Variants in MED25 observed in about 807,000 individuals in gnomAD.
The protein encoded by MED25 is mediator complex subunit 25.
MED25 carries 62 observed loss-of-function variants against 89.4 expected under a neutral mutation model. That is an observed-to-expected ratio of 0.69 (90% CI 0.57 to 0.86). The LOEUF is 0.86. Among genes scored for constraint, MED25 ranks in the 40% least tolerant of loss-of-function variants. MED25 has a pLI of 0.00. For missense variants in MED25, 905 were observed against 1,005.2 expected, an observed-to-expected ratio of 0.90 and a Z score of 1.35; for synonymous variants, 449 against 427.9, an observed-to-expected ratio of 1.05 and a Z score of -0.61.
Position 49,830,203 on chromosome 19 carries a change from C to A in MED25, c.804C>A (p.Val268=), listed in dbSNP as rs751198441. The A allele has an allele frequency of 6.2e-7, 1 of 1,605,022 alleles. No homozygotes were observed. Among genetic ancestry groups the A allele is most frequent in the Non-Finnish European group, 8.5e-7 (1 of 1,174,424 alleles). The stretch of plus-strand genomic sequence containing the variant: ...CCCCCCAGCAGCCTCTGCCCCCCGT[C>A]CCCCCGCAGTACCAGGTATGGATAT... ...SAAPQQPLPP[V]PPQYQVPGNL... is the part of the protein sequence containing the mutation. Residue 268 remains valine (V), a synonymous_variant, in exon 7 of 18, where the codon GTC becomes GTA. Transcript: ENST00000312865. This position sits in a 1 kb window ranked among gnomAD's most constrained non-coding sequence, Gnocchi z 4.6.
chr19:49,822,682 C>G (rs1436020238), intron 3 of MED25, among the ~76,000 whole-genome samples: 1 of 118,382 alleles, frequency 8.4e-6, no homozygotes, highest in East Asian at 2.9e-4. Flanking sequence ...GAGTCTCGCT[C>G]TGTTGTCCAG....
At chr19:49,832,816 A>G (rs908296280) in intron 13 of MED25, 4 of 330,828 alleles carry the variant, frequency 1.2e-5, no homozygotes, top group African/African-American at 8.6e-5. Flanking sequence ...CAGCAGGGCC[A>G]CGCTCTCTCT....
In MED25 at chr19:49,828,970, TG is replaced by T; in HGVS notation, c.407del (p.Gly136AlafsTer78). ...DDFKKMREQI[G>X]QTHRVCLLIC... Reference sequence around the variant, plus strand: ...CCATGTCTTCTCTCTTTCCTGGTAGTGGCCAGACGCACCGGGTCTGCCTCCT... The same window carrying T: ...CCATGTCTTCTCTCTTTCCTGGTAGTGCCAGACGCACCGGGTCTGCCTCCT... On this transcript the variant is annotated frameshift_variant and splice_region_variant, in exon 5 of 18. Coordinates refer to ENST00000312865, the MANE Select transcript of MED25 (RefSeq NM_030973.4). LOFTEE classifies it high-confidence loss of function. The T allele has an allele frequency of 1.2e-6, 2 of 1,614,070 alleles. No homozygotes were observed. The highest frequency in any genetic ancestry group is 1.7e-6 in the Non-Finnish European group (2 of 1,179,986).
chr19:49,828,500 C>T lies in MED25; in HGVS notation c.357C>T (p.Ser119=), dbSNP rs1008444770. The T allele has an allele frequency of 3.7e-6, 6 of 1,614,142 alleles. No homozygotes were observed. The highest frequency in any genetic ancestry group is 1.7e-5 in the Admixed American group (1 of 60,032). ...ESCSLIAEGL[S]TALQLFDDFK... ...GCAGCCTCATCGCGGAAGGACTCAG[C>T]ACAGCCTTGCAGCTGTTTGATGACT... The change falls in exon 4 of 18, where the codon AGC becomes AGT. Residue 119 remains serine, a synonymous_variant. Transcript: ENST00000312865.
In MED25 at chr19:49,835,586, C is replaced by T. The variant is rs193291405; in HGVS notation, c.1727C>T (p.Ala576Val). Residue 576 changes from alanine (A) to valine (V), a missense_variant, in exon 15 of 18, where the codon GCC (alanine) becomes GTC (valine). Physicochemically the swap from Ala to Val is moderately conservative, Grantham distance 64. Transcript: ENST00000312865. The surrounding 1 kb of genome is among the most constrained non-coding windows in gnomAD (Gnocchi z 6.2). ...PGLGPILEDQARPSQNLLQLR... is the reference protein window; with the variant it reads ...PGLGPILEDQVRPSQNLLQLR... ...CTGGGGCCCATTCTGGAGGACCAAG[C>T]CAGGCCCTCACAGAATCTGGTGAGG... is the stretch of plus-strand genomic sequence containing the variant. 1.3e-6 allele frequency: 2 copies of T among 1,565,186 alleles called. No homozygotes were observed. The highest frequency in any genetic ancestry group is 1.7e-6 in the Non-Finnish European group (2 of 1,155,316).
Position 49,835,545 on chromosome 19 carries a change from G to C in MED25, c.1686G>C (p.Gln562His). ...CTCTCCCCGTGCAGATGGGGGGACA[G>C]CAGGCACCCCCAGGGCTGGGGCCCA... ...LEQQQRGMGG[Q>H]QAPPGLGPIL... is the part of the protein sequence containing the mutation. The change falls in exon 15 of 18, where the codon CAG becomes CAC. Residue 562 changes from glutamine (Q) to histidine (H), a missense_variant. Physicochemically the swap from Gln to His is conservative, Grantham distance 24 (BLOSUM62 0). Coordinates refer to ENST00000312865, the MANE Select transcript of MED25 (RefSeq NM_030973.4). This position sits in a 1 kb window ranked among gnomAD's most constrained non-coding sequence, Gnocchi z 6.2. 1 of 1,561,960 alleles carries C rather than the reference G, an allele frequency of 6.4e-7. No homozygotes were observed. Among genetic ancestry groups the C allele is most frequent in the Non-Finnish European group, 8.7e-7 (1 of 1,153,640 alleles).
At position 49,819,893 on chromosome 19, in the gene MED25, G is replaced by A. The variant is rs528506216; in HGVS notation, c.305+597G>A. 4.9e-5 allele frequency: 8 copies of A among 163,308 alleles called. No individual in the cohort carries two copies. The South Asian group carries it at 7.3e-4, about 15-fold the overall frequency. 10.1% of individuals were successfully genotyped at this position (163,308 alleles called of 1,614,324 possible). A position where few individuals can be genotyped will look rare whatever the true frequency, so the allele number is the denominator to read the frequency against. ...AGGCTTGTAGTGCAGTGGCACAGTC[G>A]TGGCTCACTGCAACCTGTACCTCCT... On this transcript the variant is annotated intron_variant, in intron 3 of 17. Coordinates refer to ENST00000312865, the MANE Select transcript of MED25 (RefSeq NM_030973.4).
In MED25 at chr19:49,830,585, G is replaced by T. The variant is rs1227002507; in HGVS notation, c.894G>T (p.Gly298=). ...AGGCTGCCAAGAACCAGAAGGCTGG[G>T]CTGGGCCCTCGCTGTGAGTCCTGGA... ...AVEAAKNQKA[G]LGPRFSPITP... is the part of the protein sequence containing the mutation. Residue 298 remains glycine (G), a synonymous_variant, in exon 8 of 18, where the codon GGG becomes GGT. Coordinates refer to ENST00000312865, the MANE Select transcript of MED25 (RefSeq NM_030973.4). This position sits in a 1 kb window ranked among gnomAD's most constrained non-coding sequence, Gnocchi z 4.6. 6.2e-7 allele frequency: 1 copy of T among 1,614,168 alleles called. No homozygotes were observed. Among genetic ancestry groups the T allele is most frequent in the South Asian group, 1.1e-5 (1 of 91,092 alleles).
intron 3 of MED25, among the ~76,000 whole-genome samples, chr19:49,822,817 T>A (rs1777961834): frequency 6.6e-6 from 1 of 151,560 alleles, no homozygotes; most frequent in South Asian, 2.1e-4. Flanking sequence ...CCAGCTAATT[T>A]TTTGTATTTT....
rs958101048 is a variant in MED25, at chr19:49,836,485, C to T, written c.2146+79C>T. ...TGGGCTAGAGCACCAAGACCGAGTG[C>T]TCCTGGGAAGTAAAGACATAGGATC... is the stretch of plus-strand genomic sequence containing the variant. On this transcript the variant is annotated intron_variant, in intron 17 of 17. Transcript: ENST00000312865. The surrounding 1 kb of genome is among the most constrained non-coding windows in gnomAD (Gnocchi z 5.1). 2.0e-6 allele frequency: 3 copies of T among 1,491,274 alleles called. No individual in the cohort carries two copies. The highest frequency in any genetic ancestry group is 2.7e-6 in the Non-Finnish European group (3 of 1,093,174). The allele number at this position is 1,491,274 out of a possible 1,614,324, so 92.4% of individuals were successfully genotyped here. A position where few individuals can be genotyped will look rare whatever the true frequency, so the allele number is the denominator to read the frequency against.
At chr19:49,821,099 T>C (rs1197024907) in intron 3 of MED25, among the ~76,000 whole-genome samples, 4 of 152,182 alleles carry the variant, frequency 2.6e-5, no homozygotes, top group Admixed American at 6.5e-5. Context: ...AAGGCAATAG[T>C]CAGGAGGTCG....
At chr19:49,824,452 G>A (rs561590029) in intron 3 of MED25, among the ~76,000 whole-genome samples, 1 of 152,282 alleles carries the variant, frequency 6.6e-6, no homozygotes, top group South Asian at 2.1e-4. Flanking sequence ...AGGCATGGTG[G>A]TGCACACCTG....
At chr19:49,822,155 C>T (rs1448013414) in intron 3 of MED25, among the ~76,000 whole-genome samples, 2 of 145,768 alleles carry the variant, frequency 1.4e-5, no homozygotes, top group East Asian at 2.1e-4. Context: ...CCCAGCTACT[C>T]GGGAGGCTGA....
chr19:49,825,015 A>C (rs1378083019), intron 3 of MED25, among the ~76,000 whole-genome samples: 11 of 152,196 alleles, frequency 7.2e-5, no homozygotes, highest in African/African-American at 2.7e-4. Flanking sequence ...TGTGTCTGCC[A>C]TATCAAGGGG....
rs1423959250 is a variant in MED25, at chr19:49,835,684, A to G, written c.1747-43A>G. ...GCTCTGTGCCTGCAGAAGGGGCGTG[A>G]GGCCCTGCCCATCTCCCTCACCCCT... On this transcript the variant is annotated intron_variant, in intron 15 of 17. Transcript: ENST00000312865. The surrounding 1 kb of genome is among the most constrained non-coding windows in gnomAD (Gnocchi z 6.2). 5.1e-5 allele frequency: 81 copies of G among 1,592,182 alleles called. No individual in the cohort carries two copies. The highest frequency in any genetic ancestry group is 6.8e-5 in the Non-Finnish European group (80 of 1,170,172).
At chr19:49,818,992 G>A in intron 2 of MED25, 180 bp from the exon 3 acceptor site, 1 of 754,724 alleles carries the variant, frequency 1.3e-6, no homozygotes, top group Non-Finnish European at 2.2e-6. Context: ...AGGGGCCGGG[G>A]GCCTGGATTC....
Position 49,829,227 on chromosome 19 carries a change from G to C in MED25, c.525+137G>C. The C allele has an allele frequency of 1.3e-6, 1 of 746,342 alleles. No homozygotes were observed. The highest frequency in any genetic ancestry group is 1.5e-5 in the South Asian group (1 of 66,518). The allele number at this position is 746,342 out of a possible 1,614,324, so 46.2% of individuals were successfully genotyped here. A position where few individuals can be genotyped will look rare whatever the true frequency, so the allele number is the denominator to read the frequency against. On this transcript the variant is annotated intron_variant, in intron 5 of 17. Transcript: ENST00000312865. This position sits in a 1 kb window ranked among gnomAD's most constrained non-coding sequence, Gnocchi z 4.6. ...GCCTGGACTCTTGGGTCTAAGCGGG[G>C]AGGCACTGGGGGCCTGGACTCAGAC...
At chr19:49,818,978 G>A (rs557896115) in intron 2 of MED25, 194 bp from the exon 3 acceptor site, 16 of 697,050 alleles carry the variant, frequency 2.3e-5, no homozygotes, top group South Asian at 1.4e-4. Flanking sequence ...GGGTCTGAGG[G>A]AGGAGGGGCC....
rs2074052474 is a variant in MED25 at position 49,830,955 on chromosome 19, A to G, written c.1101+68A>G. On this transcript the variant is annotated intron_variant, in intron 9 of 17. Transcript: ENST00000312865. This position sits in a 1 kb window ranked among gnomAD's most constrained non-coding sequence, Gnocchi z 4.6. The stretch of plus-strand genomic sequence containing the variant: ...TGTCCACAGCTAGGACAGTTAGAGG[A>G]TGAGTCATTTGCCTTCCAGGGGGAT... 2 of 1,508,702 alleles carry G rather than the reference A, an allele frequency of 1.3e-6. No individual in the cohort carries two copies. The highest frequency in any genetic ancestry group is 1.7e-5 in the Admixed American group (1 of 59,716). 93.5% of individuals were successfully genotyped at this position (1,508,702 alleles called of 1,614,324 possible).
Sources: gnomAD v4.1 joint callset for allele counts (sites outside exome capture counted in the v4.1 genomes callset) on GRCh38, gnomAD v4.1.1 for gene constraint, Gnocchi (gnomAD v3.1) non-coding constraint, MANE v1.5 for transcripts, NCBI Gene and HGNC (gene_info 2026-07-23, HGNC 2026-07-21) for gene names.